EMC3: variants seen among roughly 807,000 people sequenced by gnomAD.
The protein encoded by EMC3 is 30 kDa protein.
Under a neutral mutation model 36.6 loss-of-function variants are expected in EMC3, and 13 were observed. That is an observed-to-expected ratio of 0.35 (90% CI 0.23 to 0.56). EMC3 has a LOEUF of 0.56. Ranked by LOEUF, EMC3 falls within the 20% of genes least tolerant of loss-of-function variation. The probability of loss-of-function intolerance (pLI) is 0.84; values close to 1 mark genes in which losing one functional copy is unlikely to be tolerated. For synonymous variants in EMC3, 120 were observed against 111.9 expected, an observed-to-expected ratio of 1.07 and a Z score of -0.46; for missense variants, 220 against 324.5, an observed-to-expected ratio of 0.68 and a Z score of 2.47.
chr3:9,969,546 C>A, intron 7 of EMC3, 173 bp downstream of exon 7: 1 of 1,498,000 alleles, frequency 6.7e-7, no homozygotes, highest in Non-Finnish European at 8.9e-7. Flanking sequence ...TTTCCATTTA[C>A]TTAATAGATG....
At chr3:9,970,867 G>A (rs66559400) in intron 5 of EMC3, among the ~76,000 whole-genome samples, 34,190 of 151,768 alleles carry the variant, frequency 0.23, 4,461 homozygotes, top group African/African-American at 0.36. Flanking sequence ...AAATCCAAAG[G>A]TGACTCCCAT....
At chr3:9,996,255 G>A (rs756810508) in intron 1 of EMC3, among the ~76,000 whole-genome samples, 2 of 152,088 alleles carry the variant, frequency 1.3e-5, no homozygotes, top group Non-Finnish European at 2.9e-5. Flanking sequence ...ACCAGCCTGG[G>A]CACCATGGTG....
intron 5 of EMC3, among the ~76,000 whole-genome samples, chr3:9,973,114 G>A (rs1051606010): frequency 7.3e-5 from 11 of 150,868 alleles, no homozygotes; most frequent in Non-Finnish European, 1.0e-4. Flanking sequence ...GTGAGCCACC[G>A]CACCCAGCCA....
intron 4 of EMC3, 48 bp downstream of exon 4, chr3:9,974,336 A>C: frequency 7.9e-7 from 1 of 1,272,230 alleles, no homozygotes; most frequent in East Asian, 2.3e-5. Flanking sequence ...TCTCACTAGC[A>C]CTTGAATTTC....
At chr3:10,002,643 C>G (rs527915716) in intron 1 of EMC3, 43 of 377,356 alleles carry the variant, frequency 1.1e-4, no homozygotes, top group African/African-American at 8.6e-4. Flanking sequence ...CCCAGAGCAA[C>G]AGCAGCAGTG....
intron 6 of EMC3, 45 bp from the exon 7 acceptor site, chr3:9,969,846 C>G: frequency 6.2e-7 from 1 of 1,602,998 alleles, no homozygotes; most frequent in East Asian, 2.2e-5. Flanking sequence ...ACTCAGCAAG[C>G]ACCCCAGCAC....
upstream of EMC3, among the ~76,000 whole-genome samples, chr3:9,991,475 A>G (rs531697240): frequency 6.6e-6 from 1 of 152,282 alleles, no homozygotes; most frequent in East Asian, 1.9e-4. Context: ...ATGTTTATAT[A>G]TTGTTTTTAC....
chr3:9,979,313 A>C (rs1421571556), intron 1 of EMC3, among the ~76,000 whole-genome samples: 1 of 152,228 alleles, frequency 6.6e-6, no homozygotes, highest in Non-Finnish European at 1.5e-5. Flanking sequence ...AATATTTTAC[A>C]AAAGTATTAG....
chr3:9,995,629 A>C (rs1346374664), intron 1 of EMC3, among the ~76,000 whole-genome samples: 1 of 151,288 alleles, frequency 6.6e-6, no homozygotes, highest in East Asian at 1.9e-4. Context: ...GTAAGAAGCA[A>C]TATGTTGGGA....
intron 1 of EMC3, among the ~76,000 whole-genome samples, chr3:9,996,736 G>T (rs1394691038): frequency 6.6e-6 from 1 of 152,012 alleles, no homozygotes; most frequent in Non-Finnish European, 1.5e-5. Context: ...AGTCCTCTAG[G>T]CACCTGGTTT....
intron 5 of EMC3, among the ~76,000 whole-genome samples, chr3:9,973,258 A>G (rs1181397005): frequency 7.5e-6 from 1 of 133,050 alleles, no homozygotes; most frequent in Non-Finnish European, 1.7e-5. Flanking sequence ...GCAGTGGCGC[A>G]ATCTCAGCTC....
chr3:9,971,828 T>C (rs993429037), intron 5 of EMC3, among the ~76,000 whole-genome samples: 1 of 152,158 alleles, frequency 6.6e-6, no homozygotes, highest in African/African-American at 2.4e-5. Context: ...TCAAACCAAG[T>C]AGTCAAGATT....
intron 3 of EMC3, among the ~76,000 whole-genome samples, chr3:9,976,321 G>A (rs1335725439): frequency 6.6e-6 from 1 of 152,066 alleles, no homozygotes; most frequent in African/African-American, 2.4e-5. Flanking sequence ...AACCAGGCTG[G>A]TTTGAACTCC....
chr3:10,007,581 C>T (rs1481260756), intron 1 of EMC3: 2 of 1,367,442 alleles, frequency 1.5e-6, no homozygotes, highest in East Asian at 9.1e-5. Context: ...GGCAGGCATC[C>T]TGGGTGTCAG....
chr3:9,979,252 G>A (rs2085883854), intron 1 of EMC3, among the ~76,000 whole-genome samples: 1 of 152,210 alleles, frequency 6.6e-6, no homozygotes, highest in South Asian at 2.1e-4. Flanking sequence ...TAAGGATTTA[G>A]AGACTTTTAT....
At chr3:9,967,579 T>A (rs1009042629) in intron 7 of EMC3, among the ~76,000 whole-genome samples, 1 of 152,242 alleles carries the variant, frequency 6.6e-6, no homozygotes, top group Non-Finnish European at 1.5e-5. Context: ...TATCTCTCCT[T>A]ATGCCAGTTT....
rs148842640 is a variant in EMC3 at position 9,967,062 on chromosome 3, C to A, written c.657+2657G>T. ...AGTAAGCAATTACTCCCCACTGCCC[C>A]CCATCCCATCCTCAGTAAACTCTAA... On this transcript the variant is annotated intron_variant, in intron 7 of 7. Transcript: ENST00000245046. Among the ~76,000 whole-genome samples, 3 of 152,292 alleles carry A rather than the reference C, an allele frequency of 2.0e-5. No homozygotes were observed. The East Asian group carries it at 5.8e-4, about 29-fold the overall frequency.
In EMC3 at chr3:9,986,569, G is replaced by T. The variant is rs761331614; in HGVS notation, c.93C>A (p.Arg31=). 2 of 1,614,214 alleles carry T rather than the reference G, an allele frequency of 1.2e-6. No individual in the cohort carries two copies. The highest frequency in any genetic ancestry group is 2.2e-5 in the South Asian group (2 of 91,082). The part of the protein sequence containing the change: ...VIITFFVGMI[R]HYVSILLQSD... ...TCTGCAGCAGGATGGACACGTAGTGGCGGATCATGCCTACGAAGAAAGTGA... is the reference window on the plus strand; with the variant it reads ...TCTGCAGCAGGATGGACACGTAGTGTCGGATCATGCCTACGAAGAAAGTGA... Residue 31 remains arginine (R), a synonymous_variant, in exon 1 of 8, where the codon CGC becomes CGA. Coordinates refer to ENST00000245046, the MANE Select transcript of EMC3 (RefSeq NM_001394674.1).
chr3:9,972,481 A>C (rs113940455), intron 5 of EMC3, among the ~76,000 whole-genome samples: 32,282 of 149,726 alleles, frequency 0.22, 4,038 homozygotes, highest in African/African-American at 0.33. Flanking sequence ...AAAAAAAAAA[A>C]AAACTCTGGC....
Sources: gnomAD v4.1 joint callset for allele counts (sites outside exome capture counted in the v4.1 genomes callset) on GRCh38, gnomAD v4.1.1 for gene constraint, MANE v1.5 for transcripts, NCBI Gene and HGNC (gene_info 2026-07-23, HGNC 2026-07-21) for gene names.